Variants in ROBO2 observed in about 807,000 individuals in gnomAD.
ROBO2 encodes roundabout guidance receptor 2.
ROBO2 carries 53 observed loss-of-function variants against 160.8 expected under a neutral mutation model. That is an observed-to-expected ratio of 0.33 (90% CI 0.26 to 0.41). ROBO2 has a LOEUF of 0.41. ROBO2 is among the 10% of genes least tolerant of loss of function. The pLI is 1.00. For missense variants in ROBO2, 1,577 were observed against 1,722.4 expected (o/e 0.92, Z 1.49); for synonymous variants, 664 against 611.7 (o/e 1.09, Z -1.26).
intron 2 of ROBO2, among the ~76,000 whole-genome samples, chr3:76,149,760 G>A (rs2072083217): frequency 8.4e-6 from 1 of 119,386 alleles, no homozygotes. Flanking sequence ...TATGTCTAAA[G>A]CACACATCTG....
At chr3:77,090,473 T>C (rs984622589) in intron 1 of ROBO2, among the ~76,000 whole-genome samples, 9 of 150,966 alleles carry the variant, frequency 6.0e-5, no homozygotes, top group Admixed American at 2.0e-4. Flanking sequence ...CCTGCCTCAG[T>C]CTCCCGAGTA....
intron 2 of ROBO2, among the ~76,000 whole-genome samples, chr3:76,102,866 C>T (rs1183404763): frequency 1.3e-5 from 2 of 151,774 alleles, no homozygotes; most frequent in African/African-American, 4.8e-5. Context: ...ACTCTGTCGC[C>T]CAGGCTGGTG....
At chr3:76,798,311 AGAAAAAAGAACGAAT>A (rs1260509257) in intron 2 of ROBO2, among the ~76,000 whole-genome samples, 8 of 151,298 alleles carry the variant, frequency 5.3e-5, no homozygotes, top group African/African-American at 1.5e-4. Flanking sequence ...AAAGAAAGAA[AGAAAAAAGAACGAAT>A]GAACTAAAGG....
chr3:76,672,730 G>A lies in ROBO2; in HGVS notation c.110-425284G>A, dbSNP rs182784792. 7.2e-5 allele frequency among the ~76,000 whole-genome samples: 11 copies of A among 152,180 alleles called. No homozygotes were observed. The East Asian group carries it at 1.2e-3, about 16-fold the overall frequency. On this transcript the variant is annotated intron_variant, in intron 2 of 26. Transcript: ENST00000487694. Reference sequence around the variant, plus strand: ...TTCAGTCACCAGTGTGCCCATCTCCGTGGCCATGAACAGTAAGCAGGTTAT... The same window carrying A: ...TTCAGTCACCAGTGTGCCCATCTCCATGGCCATGAACAGTAAGCAGGTTAT...
At chr3:76,910,775 T>C (rs962175329) in intron 2 of ROBO2, among the ~76,000 whole-genome samples, 2 of 149,270 alleles carry the variant, frequency 1.3e-5, no homozygotes, top group Non-Finnish European at 3.0e-5. Flanking sequence ...ACATTGTTAC[T>C]ATGAAAATAA....
At chr3:76,389,035 A>C (rs992195156) in intron 2 of ROBO2, among the ~76,000 whole-genome samples, 3 of 152,232 alleles carry the variant, frequency 2.0e-5, no homozygotes, top group African/African-American at 7.2e-5. Context: ...AAAACTATAC[A>C]TAGAAAAGGT....
intron 2 of ROBO2, among the ~76,000 whole-genome samples, chr3:77,307,973 A>G (rs532058491): frequency 1.8e-4 from 27 of 152,240 alleles, no homozygotes; most frequent in African/African-American, 6.3e-4. Flanking sequence ...AGAAAAAAAA[A>G]GTAGGAGTAG....
At position 76,960,765 on chromosome 3, in the gene ROBO2, G is replaced by A. The variant is rs574263141; in HGVS notation, c.110-137249G>A. On this transcript the variant is annotated intron_variant, in intron 2 of 26. Coordinates refer to the ROBO2 transcript ENST00000487694. ...AATGTAAGAAATTTACTTATTTTCT[G>A]AATAATTATATATGAATGCCCAAAA... Among the ~76,000 whole-genome samples the A allele has an allele frequency of 5.2e-4, 79 of 151,906 alleles. 1 individual carries two copies. Among genetic ancestry groups the A allele is most frequent in the Non-Finnish European group, 9.6e-4 (65 of 67,908 alleles).
At chr3:77,309,648 T>C (rs780500851) in intron 2 of ROBO2, among the ~76,000 whole-genome samples, 1 of 152,216 alleles carries the variant, frequency 6.6e-6, no homozygotes, top group Non-Finnish European at 1.5e-5. Flanking sequence ...GGTCCAGGTT[T>C]TTAGCTCTCT....
intron 2 of ROBO2, among the ~76,000 whole-genome samples, chr3:76,100,434 C>T (rs917530075): frequency 6.6e-6 from 1 of 152,178 alleles, no homozygotes; most frequent in African/African-American, 2.4e-5. Flanking sequence ...AATATTCTTG[C>T]AATATTGTAT....
chr3:77,627,446 T>A (rs76948739), intron 23 of ROBO2, among the ~76,000 whole-genome samples: 1 of 143,324 alleles, frequency 7.0e-6, no homozygotes, highest in Non-Finnish European at 1.5e-5. Context: ...CGCTAAGCTA[T>A]TTTTTTTTTT....
chr3:76,570,447 C>T (rs1278334150), intron 2 of ROBO2, among the ~76,000 whole-genome samples: 3 of 152,102 alleles, frequency 2.0e-5, no homozygotes, highest in Non-Finnish European at 1.5e-5. Flanking sequence ...ACATCTAGAG[C>T]GCTTTAAAAT....
intron 2 of ROBO2, among the ~76,000 whole-genome samples, chr3:76,668,235 G>T (rs2092128674): frequency 6.6e-6 from 1 of 151,220 alleles, no homozygotes. Context: ...GAGTAGCTGG[G>T]ACTATAGGAA....
intron 2 of ROBO2, among the ~76,000 whole-genome samples, chr3:76,293,391 G>T (rs34865979): frequency 1.5e-4 from 23 of 152,238 alleles, no homozygotes; most frequent in Admixed American, 2.6e-4. Flanking sequence ...TGACACCAGA[G>T]GCCAAAGGGG....
intron 2 of ROBO2, among the ~76,000 whole-genome samples, chr3:76,436,543 C>T (rs2109068446): frequency 6.6e-6 from 1 of 152,208 alleles, no homozygotes; most frequent in South Asian, 2.1e-4. Context: ...AAACACTTAC[C>T]AAAATAGGCA....
chr3:76,172,720 A>T (rs1361321364), intron 2 of ROBO2, among the ~76,000 whole-genome samples: 1 of 152,180 alleles, frequency 6.6e-6, no homozygotes, highest in Non-Finnish European at 1.5e-5. Context: ...TAATCATCAG[A>T]TGATGACTTT....
At chr3:77,598,487 G>GTATATATATATA (rs369073693) in intron 19 of ROBO2, among the ~76,000 whole-genome samples, 28 of 136,934 alleles carry the variant, frequency 2.0e-4, no homozygotes, top group South Asian at 9.3e-4. Context: ...TATATAGTGT[G>GTATATATATATA]TATATATATA....
chr3:77,289,297 T>G (rs1007543263), intron 2 of ROBO2, among the ~76,000 whole-genome samples: 1 of 152,156 alleles, frequency 6.6e-6, no homozygotes, highest in African/African-American at 2.4e-5. Context: ...AAATTGACGG[T>G]TAAATGGGTA....
At chr3:77,127,203 T>C (rs972476708) in intron 2 of ROBO2, among the ~76,000 whole-genome samples, 2 of 152,208 alleles carry the variant, frequency 1.3e-5, no homozygotes, top group Non-Finnish European at 2.9e-5. Flanking sequence ...TAAAATTTCT[T>C]ATGTTCAGGA....
Sources: gnomAD v4.1 joint callset for allele counts (sites outside exome capture counted in the v4.1 genomes callset) on GRCh38, gnomAD v4.1.1 for gene constraint, MANE v1.5 for transcripts, NCBI Gene and HGNC (gene_info 2026-07-23, HGNC 2026-07-21) for gene names.